Variants in MMP16 observed in about 807,000 individuals in gnomAD.
MMP16 encodes matrix metalloproteinase-16.
A neutral mutation model predicts 67.8 loss-of-function variants in MMP16; 12 were observed. The ratio of observed to expected loss-of-function variants is 0.18; its 90% CI spans 0.11 to 0.29. MMP16 has a LOEUF of 0.29. Ranked by LOEUF, MMP16 falls within the 10% of genes least tolerant of loss-of-function variation. The pLI is 1.00. For synonymous variants in MMP16, 249 were observed against 255.9 expected, an observed-to-expected ratio of 0.97 and a Z score of 0.26; for missense variants, 475 against 765.7, an observed-to-expected ratio of 0.62 and a Z score of 4.48.
At chr8:88,123,792 T>A (rs1274120437) in intron 4 of MMP16, among the ~76,000 whole-genome samples, 1 of 151,848 alleles carries the variant, frequency 6.6e-6, no homozygotes, top group African/African-American at 2.4e-5. Flanking sequence ...ATACAGAAGC[T>A]GAGAGAAGCT....
At chr8:88,285,235 G>A (rs774667264) in intron 1 of MMP16, among the ~76,000 whole-genome samples, 1 of 152,050 alleles carries the variant, frequency 6.6e-6, no homozygotes, top group East Asian at 1.9e-4. Flanking sequence ...CGCCCTCTGG[G>A]TTCAAGTGAT....
At chr8:88,193,592 A>C (rs951461254) in intron 2 of MMP16, among the ~76,000 whole-genome samples, 2 of 152,102 alleles carry the variant, frequency 1.3e-5, no homozygotes, top group African/African-American at 4.8e-5. Flanking sequence ...GTAAGATTGG[A>C]ATGATCTTAA....
intron 1 of MMP16, among the ~76,000 whole-genome samples, chr8:88,277,417 C>T (rs929206633): frequency 1.3e-5 from 2 of 152,156 alleles, no homozygotes; most frequent in Non-Finnish European, 2.9e-5. Context: ...CAAGATGAAG[C>T]TCATCTAAGC....
At chr8:88,295,189 G>A (rs1227789712) in intron 1 of MMP16, among the ~76,000 whole-genome samples, 1 of 152,170 alleles carries the variant, frequency 6.6e-6, no homozygotes, top group African/African-American at 2.4e-5. Flanking sequence ...AATATGACTA[G>A]TAGTTAACAA....
chr8:88,128,941 T>G (rs941754679), intron 4 of MMP16, among the ~76,000 whole-genome samples: 1 of 151,812 alleles, frequency 6.6e-6, no homozygotes, highest in Non-Finnish European at 1.5e-5. Flanking sequence ...TGGGTTTAAA[T>G]TCCCAGCTCT....
chr8:88,069,967 C>A (rs918174439), intron 7 of MMP16, among the ~76,000 whole-genome samples: 1 of 152,140 alleles, frequency 6.6e-6, no homozygotes, highest in East Asian at 1.9e-4. Context: ...ATTCTGGAAG[C>A]TTTTTGATTG....
chr8:88,079,959 T>C (rs948026517), intron 6 of MMP16, among the ~76,000 whole-genome samples: 1 of 152,216 alleles, frequency 6.6e-6, no homozygotes, highest in South Asian at 2.1e-4. Context: ...GTGCCTAGTT[T>C]ACGGTGTTCT....
At position 88,167,592 on chromosome 8, in the gene MMP16, T is replaced by G. The variant is rs1354518819; in HGVS notation, c.709+77A>C. 7.2e-6 allele frequency: 10 copies of G among 1,389,840 alleles called. No individual in the cohort carries two copies. In the East Asian group the frequency reaches 2.4e-4, roughly 33 times the overall value. 86.1% of individuals were successfully genotyped at this position (1,389,840 alleles called of 1,614,324 possible). ...TAAATTTAGGATCTATACCTTAAGT[T>G]TGTAAATTGTTAAATCTCTTGGTTA... On this transcript the variant is annotated intron_variant, in intron 4 of 9. Transcript: ENST00000286614.
At chr8:88,088,679 T>A (rs775152442) in intron 6 of MMP16, among the ~76,000 whole-genome samples, 1 of 152,106 alleles carries the variant, frequency 6.6e-6, no homozygotes. Flanking sequence ...TCGCTGTCCC[T>A]GTGTGGCTGT....
intron 1 of MMP16, among the ~76,000 whole-genome samples, chr8:88,218,653 A>G (rs1379792276): frequency 1.3e-5 from 2 of 152,054 alleles, no homozygotes; most frequent in African/African-American, 4.8e-5. Context: ...AAAATGAAAT[A>G]AACATTGGCA....
chr8:88,285,558 C>T (rs1340096562), intron 1 of MMP16, among the ~76,000 whole-genome samples: 1 of 152,138 alleles, frequency 6.6e-6, no homozygotes, highest in Non-Finnish European at 1.5e-5. Flanking sequence ...AAAAGATGAG[C>T]TATTTCTTCT....
intron 1 of MMP16, among the ~76,000 whole-genome samples, chr8:88,218,952 A>C (rs973463738): frequency 6.6e-6 from 1 of 152,216 alleles, no homozygotes; most frequent in African/African-American, 2.4e-5. Flanking sequence ...CAAATCCCTA[A>C]GTATTAATGG....
chr8:88,205,843 T>C (rs1161980924), intron 1 of MMP16, among the ~76,000 whole-genome samples: 1 of 152,188 alleles, frequency 6.6e-6, no homozygotes, highest in Admixed American at 6.6e-5. Flanking sequence ...GACTCTGAGA[T>C]CACACTGCTG....
intron 1 of MMP16, among the ~76,000 whole-genome samples, chr8:88,323,391 A>G (rs1811489377): frequency 6.6e-6 from 1 of 152,170 alleles, no homozygotes; most frequent in South Asian, 2.1e-4. Flanking sequence ...CAGTTAAGTA[A>G]ATATATTGCA....
At chr8:88,204,204 A>T (rs1336392866) in intron 1 of MMP16, among the ~76,000 whole-genome samples, 1 of 152,150 alleles carries the variant, frequency 6.6e-6, no homozygotes, top group African/African-American at 2.4e-5. Context: ...AAAATGCAAC[A>T]CCTTTTGATT....
intron 6 of MMP16, among the ~76,000 whole-genome samples, chr8:88,087,093 C>T (rs62525893): frequency 6.6e-6 from 1 of 151,842 alleles, no homozygotes; most frequent in African/African-American, 2.4e-5. Context: ...CTCCCAGAAA[C>T]TCTTTCTTAG....
chr8:88,159,640 T>C (rs1468612148), intron 4 of MMP16, among the ~76,000 whole-genome samples: 6 of 152,170 alleles, frequency 3.9e-5, no homozygotes, highest in Non-Finnish European at 7.4e-5. Context: ...TCCTGCCTGA[T>C]TGCCCTGGCC....
intron 6 of MMP16, among the ~76,000 whole-genome samples, chr8:88,098,664 T>C (rs1486355616): frequency 6.6e-6 from 1 of 151,996 alleles, no homozygotes; most frequent in Admixed American, 6.6e-5. Flanking sequence ...ATTCATAACA[T>C]TCATTGACTT....
chr8:88,168,501 A>AT (rs1214526517), intron 3 of MMP16, among the ~76,000 whole-genome samples: 1 of 152,174 alleles, frequency 6.6e-6, no homozygotes, highest in East Asian at 1.9e-4. Context: ...ATTGTTTCTT[A>AT]TTAATTCATT....
Sources: allele counts gnomAD v4.1 joint callset (sites outside exome capture counted in the v4.1 genomes callset), GRCh38; gene constraint gnomAD v4.1.1; transcripts MANE v1.5; gene names NCBI Gene and HGNC (gene_info 2026-07-23, HGNC 2026-07-21).